BCAT1: variants seen among roughly 807,000 people sequenced by gnomAD.
BCAT1 encodes the protein branched chain amino acid transaminase 1.
In BCAT1, 48 loss-of-function variants were observed where a neutral mutation model predicts 52.4. That is an observed-to-expected ratio of 0.92 (90% CI 0.73 to 1.16). The LOEUF (loss-of-function observed/expected upper bound fraction) is 1.16. Ranked by LOEUF, BCAT1 falls within the 50% of genes most tolerant of loss-of-function variation. The probability of loss-of-function intolerance (pLI) is 0.00; values close to 1 mark genes in which losing one functional copy is unlikely to be tolerated. For missense variants in BCAT1, 451 were observed against 457.1 expected, an observed-to-expected ratio of 0.99 and a Z score of 0.12; for synonymous variants, 167 against 161.3, an observed-to-expected ratio of 1.04 and a Z score of -0.27.
intron 6 of BCAT1, among the ~76,000 whole-genome samples, chr12:24,843,151 A>G (rs926633969): frequency 6.6e-6 from 1 of 152,226 alleles, no homozygotes; most frequent in African/African-American, 2.4e-5. Flanking sequence ...ACAGAAACAA[A>G]CAATGAAAAA....
chr12:24,851,698 G>T (rs1482261884), intron 5 of BCAT1, among the ~76,000 whole-genome samples: 1 of 152,144 alleles, frequency 6.6e-6, no homozygotes, highest in African/African-American at 2.4e-5. Flanking sequence ...GATTAAAGGA[G>T]GACCATCCTA....
intron 1 of BCAT1, among the ~76,000 whole-genome samples, chr12:24,930,832 G>A (rs1192003225): frequency 1.3e-5 from 2 of 151,164 alleles, no homozygotes; most frequent in Admixed American, 6.6e-5. Context: ...TGTGTCAAAC[G>A]TGTTTGGAAT....
chr12:24,861,573 A>C (rs571337337), intron 5 of BCAT1, among the ~76,000 whole-genome samples: 5 of 152,368 alleles, frequency 3.3e-5, no homozygotes, highest in South Asian at 4.1e-4. Flanking sequence ...ATAGTTACGC[A>C]AAAATATCAT....
intron 1 of BCAT1, among the ~76,000 whole-genome samples, chr12:24,925,444 G>A (rs540755352): frequency 6.6e-6 from 1 of 152,118 alleles, no homozygotes; most frequent in African/African-American, 2.4e-5. Flanking sequence ...TAGATAGAAA[G>A]ATTATAGATA....
intron 7 of BCAT1, among the ~76,000 whole-genome samples, chr12:24,837,255 G>C (rs189532584): frequency 6.7e-6 from 1 of 150,356 alleles, no homozygotes; most frequent in Admixed American, 6.6e-5. Flanking sequence ...ATATTCTGAA[G>C]TGAAAATTTA....
At chr12:24,900,311 G>T (rs1471879745) in intron 2 of BCAT1, among the ~76,000 whole-genome samples, 1 of 152,198 alleles carries the variant, frequency 6.6e-6, no homozygotes, top group Admixed American at 6.5e-5. Context: ...TTATGGCCAG[G>T]CATTGTGGCT....
At position 24,872,361 on chromosome 12, in the gene BCAT1, T is replaced by G. The variant is rs575674942; in HGVS notation, c.510+6169A>C. Among the ~76,000 whole-genome samples, 104 of 152,338 alleles carry G rather than the reference T, an allele frequency of 6.8e-4. 1 individual carries two copies. The highest frequency in any genetic ancestry group is 2.3e-3 in the African/African-American group (94 of 41,566). Reference sequence around the variant, plus strand: ...CATCTCCAGCCTTTCTTCTGCCCACTCACAAAATGGCAGCAGGGTTTTAAA... The same window carrying G: ...CATCTCCAGCCTTTCTTCTGCCCACGCACAAAATGGCAGCAGGGTTTTAAA... On this transcript the variant is annotated intron_variant, in intron 5 of 10. Coordinates refer to ENST00000261192, the MANE Select transcript of BCAT1 (RefSeq NM_005504.7).
At chr12:24,920,313 C>G (rs1333474169) in intron 1 of BCAT1, among the ~76,000 whole-genome samples, 1 of 152,156 alleles carries the variant, frequency 6.6e-6, no homozygotes, top group Non-Finnish European at 1.5e-5. Flanking sequence ...TCCACAGGAA[C>G]TCCACCTCTC....
chr12:24,933,582 C>A (rs1427962333), intron 1 of BCAT1, among the ~76,000 whole-genome samples: 2 of 152,104 alleles, frequency 1.3e-5, no homozygotes, highest in African/African-American at 4.8e-5. Context: ...AGGGGAGGAA[C>A]CTGGTCGAAG....
chr12:24,877,231 G>T (rs1032838032), intron 5 of BCAT1, among the ~76,000 whole-genome samples: 2 of 152,158 alleles, frequency 1.3e-5, no homozygotes, highest in African/African-American at 4.8e-5. Flanking sequence ...GAACAGAATG[G>T]CTAGGCTATA....
intron 1 of BCAT1, among the ~76,000 whole-genome samples, chr12:24,946,898 G>C (rs144592166): frequency 6.6e-6 from 1 of 152,014 alleles, no homozygotes; most frequent in African/African-American, 2.4e-5. Context: ...AAATTCTTGC[G>C]TAAAAAAGGA....
chr12:24,948,780 A>G, intron 1 of BCAT1, 147 bp downstream of exon 1: 1 of 867,582 alleles, frequency 1.2e-6, no homozygotes, highest in Non-Finnish European at 1.8e-6. Flanking sequence ...ACGATTGATA[A>G]AGAAGATACT....
chr12:24,880,644 G>T (rs187559964), intron 4 of BCAT1, among the ~76,000 whole-genome samples: 5 of 152,002 alleles, frequency 3.3e-5, no homozygotes, highest in Non-Finnish European at 5.9e-5. Flanking sequence ...CAAAATATCC[G>T]CAAAATACCT....
intron 2 of BCAT1, among the ~76,000 whole-genome samples, chr12:24,900,255 A>G (rs1943063501): frequency 6.6e-6 from 1 of 152,210 alleles, no homozygotes; most frequent in South Asian, 2.1e-4. Flanking sequence ...TCCCCTAAAT[A>G]AAACCTAATA....
intron 3 of BCAT1, among the ~76,000 whole-genome samples, chr12:24,891,592 T>C (rs1209734367): frequency 1.3e-5 from 2 of 152,244 alleles, no homozygotes; most frequent in African/African-American, 2.4e-5. Flanking sequence ...ATTTTACTTA[T>C]ATTGTAAGCA....
At chr12:24,843,796 T>A (rs1487552215) in intron 6 of BCAT1, among the ~76,000 whole-genome samples, 1 of 152,132 alleles carries the variant, frequency 6.6e-6, no homozygotes, top group Non-Finnish European at 1.5e-5. Context: ...GCAGCTGAGT[T>A]AAAGGGTGGG....
At chr12:24,850,422 G>T (rs1941472717) in intron 5 of BCAT1, among the ~76,000 whole-genome samples, 1 of 152,162 alleles carries the variant, frequency 6.6e-6, no homozygotes, top group African/African-American at 2.4e-5. Context: ...GCAGGTGGTA[G>T]GTGCAGGCGA....
intron 3 of BCAT1, among the ~76,000 whole-genome samples, chr12:24,887,048 G>GAGAGATGCTA (rs1285571406): frequency 1.9e-4 from 14 of 72,944 alleles, no homozygotes; most frequent in Non-Finnish European, 1.2e-4. Flanking sequence ...GGAAGAACGA[G>GAGAGATGCTA]AGAGATGCTA....
At chr12:24,898,648 T>C (rs1340876148) in intron 2 of BCAT1, among the ~76,000 whole-genome samples, 2 of 148,556 alleles carry the variant, frequency 1.3e-5, no homozygotes, top group Non-Finnish European at 3.0e-5. Context: ...CCCAGGTAGC[T>C]GGGATTACAG....
Sources: gnomAD v4.1 joint callset for allele counts (sites outside exome capture counted in the v4.1 genomes callset) on GRCh38, gnomAD v4.1.1 for gene constraint, MANE v1.5 for transcripts, NCBI Gene and HGNC (gene_info 2026-07-23, HGNC 2026-07-21) for gene names.